The following AGBL4 variants were observed in gnomAD, a reference collection of about 807,000 sequenced individuals.
The protein encoded by AGBL4 is cytosolic carboxypeptidase 6.
AGBL4 carries 58 observed loss-of-function variants against 66.4 expected under a neutral mutation model. The observed-to-expected ratio is 0.87, with a 90% CI of 0.71 to 1.09. The LOEUF is 1.09. AGBL4 is among the 50% of genes least tolerant of loss of function. The probability of loss-of-function intolerance (pLI) is 0.00; values close to 1 mark genes in which losing one functional copy is unlikely to be tolerated. For synonymous variants in AGBL4, 234 were observed against 222.9 expected, an observed-to-expected ratio of 1.05 and a Z score of -0.44; for missense variants, 579 against 631.0, an observed-to-expected ratio of 0.92 and a Z score of 0.88.
chr1:49,174,278 T>C (rs1473715720), intron 4 of AGBL4, among the ~76,000 whole-genome samples: 2 of 151,856 alleles, frequency 1.3e-5, no homozygotes, highest in East Asian at 3.9e-4. Flanking sequence ...TCTATATAGG[T>C]GAGTTGAGTT....
At chr1:49,215,128 G>C (rs1238327236) in intron 4 of AGBL4, among the ~76,000 whole-genome samples, 2 of 152,064 alleles carry the variant, frequency 1.3e-5, no homozygotes, top group Non-Finnish European at 2.9e-5. Context: ...CAAGGAACCT[G>C]TCAGAAATAT....
intron 5 of AGBL4, among the ~76,000 whole-genome samples, chr1:48,880,891 T>G (rs1415694980): frequency 6.6e-6 from 1 of 152,188 alleles, no homozygotes; most frequent in African/African-American, 2.4e-5. Flanking sequence ...TAATAAGAAT[T>G]TTTCCAATAC....
chr1:49,595,162 C>T (rs1644828485), intron 3 of AGBL4, among the ~76,000 whole-genome samples: 1 of 152,132 alleles, frequency 6.6e-6, no homozygotes. Flanking sequence ...GATCTCGGCC[C>T]ACTGCAAGCT....
intron 3 of AGBL4, among the ~76,000 whole-genome samples, chr1:49,569,906 G>C (rs1173764883): frequency 6.6e-6 from 1 of 152,076 alleles, no homozygotes; most frequent in Non-Finnish European, 1.5e-5. Flanking sequence ...TGCAGCAAAA[G>C]ACATGATTTC....
chr1:48,552,870 G>C lies in AGBL4; in HGVS notation c.1268-13132C>G, dbSNP rs115096335. Among the ~76,000 whole-genome samples the C allele has an allele frequency of 8.7e-3, 1,320 of 151,824 alleles. 17 individuals carry two copies. The highest frequency in any genetic ancestry group is 0.03 in the African/African-American group (1,229 of 41,374). On this transcript the variant is annotated intron_variant, in intron 11 of 13. Transcript: ENST00000371839. ...AAGGGGAGAGGGATACCACTCACAG[G>C]CTGCATTAATCTAGTAAGACGGTTA... is the stretch of plus-strand genomic sequence containing the variant.
At chr1:49,124,886 G>T (rs1404044859) in intron 4 of AGBL4, among the ~76,000 whole-genome samples, 1 of 152,142 alleles carries the variant, frequency 6.6e-6, no homozygotes, top group Non-Finnish European at 1.5e-5. Flanking sequence ...AAGACTATCT[G>T]GATATAAGGA....
intron 1 of AGBL4, among the ~76,000 whole-genome samples, chr1:50,008,016 G>T (rs1661264832): frequency 6.6e-6 from 1 of 152,118 alleles, no homozygotes; most frequent in South Asian, 2.1e-4. Flanking sequence ...GGAGCACCCA[G>T]ATATATAAAG....
intron 6 of AGBL4, among the ~76,000 whole-genome samples, chr1:48,679,158 G>A (rs1039268841): frequency 2.0e-5 from 3 of 152,148 alleles, no homozygotes; most frequent in Admixed American, 6.5e-5. Flanking sequence ...CTTAGAGGAG[G>A]GCTTCTGATT....
intron 3 of AGBL4, among the ~76,000 whole-genome samples, chr1:49,662,908 C>T (rs1646297904): frequency 6.6e-6 from 1 of 152,098 alleles, no homozygotes; most frequent in Admixed American, 6.6e-5. Context: ...AGCTTCTCAA[C>T]TGCAAATCTG....
At chr1:49,193,709 T>G (rs1253250606) in intron 4 of AGBL4, among the ~76,000 whole-genome samples, 1 of 151,784 alleles carries the variant, frequency 6.6e-6, no homozygotes, top group African/African-American at 2.4e-5. Context: ...TTGTATTTTT[T>G]TTTTTAGTAG....
chr1:49,296,042 T>C (rs1418444744), intron 3 of AGBL4, among the ~76,000 whole-genome samples: 2 of 152,214 alleles, frequency 1.3e-5, no homozygotes, highest in Non-Finnish European at 2.9e-5. Flanking sequence ...TTGCGTATTA[T>C]TGAGATAAAT....
intron 3 of AGBL4, among the ~76,000 whole-genome samples, chr1:49,464,853 T>A (rs900198698): frequency 2.0e-5 from 3 of 151,666 alleles, no homozygotes; most frequent in Non-Finnish European, 4.4e-5. Context: ...GGCTCCATGA[T>A]GAGAGAAACT....
chr1:49,889,840 A>G (rs1318760439), intron 1 of AGBL4, among the ~76,000 whole-genome samples: 2 of 152,228 alleles, frequency 1.3e-5, no homozygotes, highest in African/African-American at 4.8e-5. Flanking sequence ...GTCTCCTCAC[A>G]TTGCCGAACA....
chr1:49,592,934 A>G (rs1304359793), intron 3 of AGBL4, among the ~76,000 whole-genome samples: 1 of 152,228 alleles, frequency 6.6e-6, no homozygotes, highest in East Asian at 1.9e-4. Context: ...ATTTAATCAA[A>G]TTCAGTCTAA....
intron 6 of AGBL4, among the ~76,000 whole-genome samples, chr1:48,854,886 A>G (rs1416221908): frequency 6.6e-6 from 1 of 152,182 alleles, no homozygotes; most frequent in Non-Finnish European, 1.5e-5. Flanking sequence ...GAATGGTGTT[A>G]ATACTGAGAA....
At position 48,556,143 on chromosome 1, in the gene AGBL4, C is replaced by G. The variant is rs142222972; in HGVS notation, c.1268-16405G>C. Among the ~76,000 whole-genome samples the G allele has an allele frequency of 3.9e-5, 6 of 152,302 alleles. No individual in the cohort carries two copies. In the East Asian group the frequency reaches 1.2e-3, roughly 29 times the overall value. ...GTGGAATTTTCTTGTATCTAATGCT[C>G]TTCTTTGGACATATCAAGCAAAGCT... is the stretch of plus-strand genomic sequence containing the variant. On this transcript the variant is annotated intron_variant, in intron 11 of 13. Transcript: ENST00000371839.
intron 3 of AGBL4, among the ~76,000 whole-genome samples, chr1:49,533,540 G>A (rs1451652254): frequency 3.3e-5 from 5 of 152,030 alleles, no homozygotes; most frequent in Non-Finnish European, 5.9e-5. Context: ...TGACTACTCA[G>A]GTCTCTTCCT....
chr1:48,776,854 C>G (rs913354188), intron 6 of AGBL4: 2 of 1,378,322 alleles, frequency 1.5e-6, no homozygotes, highest in Non-Finnish European at 9.5e-7. Flanking sequence ...GGGCGGGCCC[C>G]GGTCGGGCAG....
chr1:49,547,038 T>C lies in AGBL4; in HGVS notation c.282+150275A>G, dbSNP rs536486617. 7.5e-4 allele frequency among the ~76,000 whole-genome samples: 115 copies of C among 152,338 alleles called. 2 individuals carry two copies. The South Asian group carries it at 0.023, about 30-fold the overall frequency. ...GTCCCAACTTTTATCTTTGTCTTTA[T>C]TGCATTTGCTTCTGGGTGCTTGGTC... On this transcript the variant is annotated intron_variant, in intron 3 of 13. Transcript: ENST00000371839.
Sources: gnomAD v4.1 joint callset for allele counts (sites outside exome capture counted in the v4.1 genomes callset) on GRCh38, gnomAD v4.1.1 for gene constraint, MANE v1.5 for transcripts, NCBI Gene and HGNC (gene_info 2026-07-23, HGNC 2026-07-21) for gene names.